Variants in DLG2 observed in about 807,000 individuals in gnomAD.
The protein encoded by DLG2 is discs large MAGUK scaffold protein 2.
A neutral mutation model predicts 132.5 loss-of-function variants in DLG2; 45 were observed. The observed-to-expected ratio is 0.34, with a 90% CI of 0.27 to 0.44. DLG2 has a LOEUF of 0.44. DLG2 is among the 20% of genes least tolerant of loss of function. DLG2 has a pLI of 1.00. For synonymous variants in DLG2, 424 were observed against 419.6 expected (o/e 1.01, Z -0.13); for missense variants, 1,045 against 1,196.9 (o/e 0.87, Z 1.87).
chr11:84,871,777 C>T (rs2085499755), intron 6 of DLG2, among the ~76,000 whole-genome samples: 1 of 151,902 alleles, frequency 6.6e-6, no homozygotes, highest in Non-Finnish European at 1.5e-5. Context: ...GCCTGGAGTG[C>T]AGTACCACGA....
chr11:85,482,286 C>T (rs1180867422), intron 3 of DLG2, among the ~76,000 whole-genome samples: 1 of 152,148 alleles, frequency 6.6e-6, no homozygotes. Flanking sequence ...TCCTATGGCC[C>T]CAGGCTTCTA....
In DLG2 at chr11:83,519,085, A is replaced by G. The variant is rs116615545; in HGVS notation, c.2193+13623T>C. Among the ~76,000 whole-genome samples the G allele has an allele frequency of 5.6e-3, 857 of 152,302 alleles. 12 individuals are homozygous for G. The highest frequency in any genetic ancestry group is 0.019 in the African/African-American group (806 of 41,572). ...GGTGTCTGTAGTATAACTGAGGTCCATAATTATTCATTTAATGACTCCAAG... is the reference window on the plus strand; with the variant it reads ...GGTGTCTGTAGTATAACTGAGGTCCGTAATTATTCATTTAATGACTCCAAG... On this transcript the variant is annotated intron_variant, in intron 21 of 27. Transcript: ENST00000376104.
At chr11:84,633,724 T>A (rs932065900) in intron 6 of DLG2, among the ~76,000 whole-genome samples, 4 of 152,118 alleles carry the variant, frequency 2.6e-5, no homozygotes, top group South Asian at 2.1e-4. Flanking sequence ...TTGTTATTGA[T>A]GAATGCAGAC....
intron 18 of DLG2, among the ~76,000 whole-genome samples, chr11:83,650,284 C>G (rs952121761): frequency 6.6e-6 from 1 of 151,994 alleles, no homozygotes. Context: ...TGAATGTGTC[C>G]TAAATATAAT....
chr11:84,051,853 G>A (rs1301911077), intron 11 of DLG2, among the ~76,000 whole-genome samples: 1 of 151,840 alleles, frequency 6.6e-6, no homozygotes, highest in African/African-American at 2.4e-5. Flanking sequence ...TTAATATTTT[G>A]TAAGTGGCTT....
At chr11:84,100,269 A>C (rs866261089) in intron 9 of DLG2, among the ~76,000 whole-genome samples, 2 of 61,854 alleles carry the variant, frequency 3.2e-5, no homozygotes, top group African/African-American at 1.2e-4. Context: ...ATATATATAT[A>C]TAAAGGATAT....
chr11:85,424,110 AT>A (rs2090532241), intron 3 of DLG2, among the ~76,000 whole-genome samples: 1 of 151,998 alleles, frequency 6.6e-6, no homozygotes, highest in Non-Finnish European at 1.5e-5. Context: ...CTACCACTGT[AT>A]TTTGCTTGGC....
chr11:84,842,847 C>G lies in DLG2; in HGVS notation c.357+268814G>C, dbSNP rs139782799. On this transcript the variant is annotated intron_variant, in intron 6 of 27. Transcript: ENST00000376104. ...GCACACATATATGTGTGTATACAGA[C>G]TCTTTCTTGGTATATTTTACCACCA... Among the ~76,000 whole-genome samples the G allele has an allele frequency of 3.5e-3, 538 of 151,906 alleles. 3 individuals carry two copies. Among genetic ancestry groups the G allele is most frequent in the Admixed American group, 6.3e-3 (96 of 15,210 alleles).
At chr11:85,161,813 G>C (rs903967651) in intron 4 of DLG2, among the ~76,000 whole-genome samples, 1 of 152,136 alleles carries the variant, frequency 6.6e-6, no homozygotes, top group Admixed American at 6.5e-5. Context: ...ACTTTGCAGG[G>C]CTTGGCCAAA....
intron 6 of DLG2, among the ~76,000 whole-genome samples, chr11:84,807,063 G>T (rs1184555218): frequency 6.6e-6 from 1 of 151,838 alleles, no homozygotes; most frequent in Non-Finnish European, 1.5e-5. Flanking sequence ...AAATAAAACG[G>T]GATTGCAAAA....
chr11:85,176,019 G>C (rs185704722), intron 4 of DLG2, among the ~76,000 whole-genome samples: 1 of 152,288 alleles, frequency 6.6e-6, no homozygotes, highest in Admixed American at 6.5e-5. Flanking sequence ...AATCAATATC[G>C]TGAAAATGGC....
At chr11:83,858,582 G>A (rs2060924025) in intron 16 of DLG2, among the ~76,000 whole-genome samples, 1 of 152,162 alleles carries the variant, frequency 6.6e-6, no homozygotes, top group African/African-American at 2.4e-5. Flanking sequence ...TCACAAGGAG[G>A]TGGACATTAT....
intron 6 of DLG2, among the ~76,000 whole-genome samples, chr11:84,811,995 C>T (rs1164250825): frequency 6.6e-6 from 1 of 151,994 alleles, no homozygotes; most frequent in Non-Finnish European, 1.5e-5. Flanking sequence ...GAACATGGCC[C>T]CAGAACTGAG....
intron 6 of DLG2, among the ~76,000 whole-genome samples, chr11:84,629,108 T>C (rs1281443872): frequency 6.6e-6 from 1 of 152,194 alleles, no homozygotes; most frequent in African/African-American, 2.4e-5. Context: ...CTGTTAATTA[T>C]AGTGCCACTT....
At chr11:83,910,018 C>T (rs1277051442) in intron 15 of DLG2, among the ~76,000 whole-genome samples, 1 of 152,076 alleles carries the variant, frequency 6.6e-6, no homozygotes, top group Non-Finnish European at 1.5e-5. Flanking sequence ...ATGCTAGGCT[C>T]TAAAAACAGG....
Position 83,606,633 on chromosome 11 carries a change from T to TA in DLG2, c.1940+26577dup, listed in dbSNP as rs10713800. Among the ~76,000 whole-genome samples, 1,132 of 147,432 alleles carry TA rather than the reference T, an allele frequency of 7.7e-3. 19 individuals carry two copies. Among genetic ancestry groups the TA allele is most frequent in the Non-Finnish European group, 8.7e-3 (577 of 66,494 alleles). On this transcript the variant is annotated intron_variant, in intron 19 of 27. Transcript: ENST00000376104. ...CTTGAAAACATACGTTAGTGTTTGT[T>TA]AAAAAAAAAAAAGGCCGGGCGCGGT...
chr11:83,857,701 A>C (rs2060765341), intron 16 of DLG2, among the ~76,000 whole-genome samples: 1 of 152,220 alleles, frequency 6.6e-6, no homozygotes, highest in African/African-American at 2.4e-5. Context: ...ATGATGTATC[A>C]ATGTAGCATA....
intron 6 of DLG2, among the ~76,000 whole-genome samples, chr11:85,059,395 T>G (rs949914711): frequency 3.3e-5 from 5 of 151,574 alleles, no homozygotes; most frequent in African/African-American, 1.2e-4. Flanking sequence ...TTCTAAGATC[T>G]AGCAATTGTA....
At chr11:85,355,965 A>G (rs2083658696) in intron 3 of DLG2, among the ~76,000 whole-genome samples, 1 of 152,240 alleles carries the variant, frequency 6.6e-6, no homozygotes, top group African/African-American at 2.4e-5. Context: ...GCTGTGATCC[A>G]TCTTGCACAG....
Sources: allele counts gnomAD v4.1 joint callset (sites outside exome capture counted in the v4.1 genomes callset), GRCh38; gene constraint gnomAD v4.1.1; transcripts MANE v1.5; gene names NCBI Gene and HGNC (gene_info 2026-07-23, HGNC 2026-07-21).